Variants in HADHA observed in about 807,000 individuals in gnomAD.
HADHA encodes trifunctional enzyme subunit alpha, mitochondrial.
A neutral mutation model predicts 91.3 loss-of-function variants in HADHA; 59 were observed. The ratio of observed to expected loss-of-function variants is 0.65; its 90% CI spans 0.52 to 0.80. The LOEUF (loss-of-function observed/expected upper bound fraction) is 0.80, where lower values mean the gene tolerates loss of function less well. Among genes scored for constraint, HADHA ranks in the 30% least tolerant of loss-of-function variants. The probability of loss-of-function intolerance (pLI) is 0.00; values close to 1 mark genes in which losing one functional copy is unlikely to be tolerated. For synonymous variants in HADHA, 320 were observed against 338.9 expected (o/e 0.94, Z 0.61); for missense variants, 800 against 927.6 (o/e 0.86, Z 1.79).
rs1670381612 is a variant in HADHA, at chr2:26,221,844, CTGACAG to C, written c.677-6675_677-6670del. Among the ~76,000 whole-genome samples, 2 of 152,210 alleles carry C rather than the reference CTGACAG, an allele frequency of 1.3e-5. No homozygotes were observed. Among genetic ancestry groups the C allele is most frequent in the African/African-American group, 2.4e-5 (1 of 41,460 alleles). ...GATAGCCTCCCAGTGGGCAGTACTT[CTGACAG>C]TGCACCCGGTTGTTCATTTTGTCTA... On this transcript the variant is annotated intron_variant, in intron 7 of 19. Coordinates refer to ENST00000380649, the MANE Select transcript of HADHA (RefSeq NM_000182.5). This position sits in a 1 kb window ranked among gnomAD's most constrained non-coding sequence, Gnocchi z 4.8.
chr2:26,193,832 C>T, intron 16 of HADHA, 60 bp from the exon 17 acceptor site: 1 of 1,319,486 alleles, frequency 7.6e-7, no homozygotes, highest in Non-Finnish European at 1.1e-6. Context: ...CCCCAAAGGG[C>T]TCCCTGTACT....
At chr2:26,211,949 C>G (rs1033649850) in intron 10 of HADHA, 7 of 152,892 alleles carry the variant, frequency 4.6e-5, no homozygotes, top group African/African-American at 1.7e-4. Flanking sequence ...CTCAATAAAA[C>G]CTGCCCAAGT....
chr2:26,196,286 A>T (rs1186952173), intron 14 of HADHA, among the ~76,000 whole-genome samples: 1 of 152,250 alleles, frequency 6.6e-6, no homozygotes, highest in Admixed American at 6.5e-5. Context: ...ATGTAAACTT[A>T]TCAATCCAAA....
intron 7 of HADHA, among the ~76,000 whole-genome samples, chr2:26,217,002 G>A (rs528385367): frequency 3.3e-5 from 5 of 152,290 alleles, no homozygotes; most frequent in African/African-American, 1.2e-4. Context: ...AGGAGCAGAC[G>A]TGATGTTCAA....
chr2:26,240,670 G>T, intron 1 of HADHA, among the ~76,000 whole-genome samples: 1 of 152,148 alleles, frequency 6.6e-6, no homozygotes, highest in South Asian at 2.1e-4. Context: ...TTTTCTTTGA[G>T]ACGAGGTCTC....
intron 12 of HADHA, among the ~76,000 whole-genome samples, chr2:26,202,638 G>C (rs967837684): frequency 6.6e-6 from 1 of 152,214 alleles, no homozygotes; most frequent in Non-Finnish European, 1.5e-5. Flanking sequence ...CTATTCGTGA[G>C]GCTGAGGCAT....
intron 5 of HADHA, among the ~76,000 whole-genome samples, chr2:26,233,498 G>A (rs971121395): frequency 1.3e-5 from 2 of 152,056 alleles, no homozygotes; most frequent in East Asian, 1.9e-4. Flanking sequence ...CTACATGTTC[G>A]GGTCTAGTAA....
At chr2:26,234,176 A>G (rs1349530366) in intron 5 of HADHA, 41 bp downstream of exon 5, 1 of 1,593,652 alleles carries the variant, frequency 6.3e-7, no homozygotes. Context: ...AATGCCACCA[A>G]TGAGTTGGAC....
chr2:26,223,725 G>A (rs953475952), intron 7 of HADHA, among the ~76,000 whole-genome samples: 1 of 152,050 alleles, frequency 6.6e-6, no homozygotes, highest in Admixed American at 6.6e-5. Flanking sequence ...CCTTGTCAAA[G>A]GAGGAAGGGG....
At chr2:26,239,755 A>G (rs1447502917) in intron 1 of HADHA, among the ~76,000 whole-genome samples, 3 of 152,052 alleles carry the variant, frequency 2.0e-5, no homozygotes, top group Non-Finnish European at 4.4e-5. Flanking sequence ...AACTGTGGTT[A>G]GCACCAGAAG....
intron 1 of HADHA, among the ~76,000 whole-genome samples, chr2:26,242,211 T>A (rs1285447349): frequency 6.6e-6 from 1 of 152,198 alleles, no homozygotes; most frequent in Non-Finnish European, 1.5e-5. Flanking sequence ...AATTTTATCA[T>A]CCACCAGCAA....
At chr2:26,227,340 G>A (rs1006025622) in intron 7 of HADHA, among the ~76,000 whole-genome samples, 1 of 151,854 alleles carries the variant, frequency 6.6e-6, no homozygotes, top group Non-Finnish European at 1.5e-5. Context: ...GGTAAAACCC[G>A]ATCTCTACTA....
intron 7 of HADHA, among the ~76,000 whole-genome samples, chr2:26,223,417 A>AG (rs1481847942): frequency 6.6e-6 from 1 of 152,232 alleles, no homozygotes; most frequent in Non-Finnish European, 1.5e-5. Context: ...GTGGCCTAGA[A>AG]GACATTTTAG....
At chr2:26,230,809 C>T (rs185792962) in intron 6 of HADHA, among the ~76,000 whole-genome samples, 2 of 152,144 alleles carry the variant, frequency 1.3e-5, no homozygotes, top group African/African-American at 4.8e-5. Flanking sequence ...GTCATTCCAG[C>T]TACTTGGGAG....
At chr2:26,212,321 A>G in intron 10 of HADHA, 1 of 485,532 alleles carries the variant, frequency 2.1e-6, no homozygotes, top group Non-Finnish European at 3.8e-6. Flanking sequence ...TCCTGAGCTC[A>G]AACGATCTGC....
intron 5 of HADHA, among the ~76,000 whole-genome samples, chr2:26,233,571 A>C (rs547759334): frequency 6.6e-6 from 1 of 152,268 alleles, no homozygotes; most frequent in South Asian, 2.1e-4. Context: ...CACTTATATT[A>C]TGCTTTATGT....
intron 7 of HADHA, among the ~76,000 whole-genome samples, chr2:26,218,715 C>T (rs554410177): frequency 6.6e-6 from 1 of 151,972 alleles, no homozygotes; most frequent in Non-Finnish European, 1.5e-5. Context: ...AAAATATTAT[C>T]AATTGAAAAC....
In HADHA at chr2:26,201,182, A is replaced by C; in HGVS notation, c.1359T>G (p.Ser453Arg). ...MVIEAVFEDL[S>R]LKHRVLKEVE... ...CTTCCTTTAGCACTCTGTGCTTAAG[A>C]CTAAGGTCCTCAAACACAGCTTCAA... Residue 453 changes from serine to arginine, a missense_variant, in exon 13 of 20, where the codon AGT (serine) becomes AGG (arginine). Transcript: ENST00000380649. 6.2e-7 allele frequency: 1 copy of C among 1,613,888 alleles called. No individual in the cohort carries two copies. The highest frequency in any genetic ancestry group is 8.5e-7 in the Non-Finnish European group (1 of 1,179,758).
chr2:26,240,197 C>T (rs545328027), intron 1 of HADHA, among the ~76,000 whole-genome samples: 4 of 152,308 alleles, frequency 2.6e-5, no homozygotes, highest in East Asian at 1.9e-4. Context: ...GTTTCACCAA[C>T]CACATTGTAA....
Sources: allele counts gnomAD v4.1 joint callset (sites outside exome capture counted in the v4.1 genomes callset), GRCh38; gene constraint gnomAD v4.1.1; non-coding constraint Gnocchi (gnomAD v3.1); transcripts MANE v1.5; gene names NCBI Gene and HGNC (gene_info 2026-07-23, HGNC 2026-07-21).